TRMT9B: variants seen among roughly 807,000 people sequenced by gnomAD.
TRMT9B encodes the protein tRNA methyltransferase 9B (putative).
In TRMT9B, 16 loss-of-function variants were observed where a neutral mutation model predicts 11.5. That is an observed-to-expected ratio of 1.39 (90% CI 0.94 to 2.11). TRMT9B has a LOEUF of 2.11. TRMT9B is among the 30% of genes most tolerant of loss of function. The pLI, the probability that TRMT9B is intolerant of heterozygous loss-of-function variation, is 0.00. For missense variants in TRMT9B, 941 were observed against 553.8 expected (o/e 1.70, Z -7.02); for synonymous variants, 274 against 192.4 (o/e 1.42, Z -3.51).
At position 12,967,009 on chromosome 8, in the gene TRMT9B, C is replaced by T. The variant is rs1178047364; in HGVS notation, c.-200+21043C>T. Among the ~76,000 whole-genome samples the T allele has an allele frequency of 3.9e-5, 6 of 152,290 alleles. No individual in the cohort carries two copies. In the East Asian group the frequency reaches 1.2e-3, roughly 29 times the overall value. ...CTAGTACTCACCTTCCTTACAGACACCGACGGTGAATACTCCCAAGGTGTG... is the reference window on the plus strand; with the variant it reads ...CTAGTACTCACCTTCCTTACAGACATCGACGGTGAATACTCCCAAGGTGTG... On this transcript the variant is annotated intron_variant, in intron 1 of 4. Coordinates refer to ENST00000524591, the MANE Select transcript of TRMT9B (RefSeq NM_020844.3).
chr8:12,985,354 T>C (rs1806114748), intron 1 of TRMT9B, among the ~76,000 whole-genome samples: 1 of 152,198 alleles, frequency 6.6e-6, no homozygotes, highest in Non-Finnish European at 1.5e-5. Context: ...TCCATTGTAA[T>C]CTCTCTGGTG....
At chr8:13,012,070 C>T in intron 3 of TRMT9B, 1 of 985,356 alleles carries the variant, frequency 1.0e-6, no homozygotes, top group Non-Finnish European at 1.2e-6. Flanking sequence ...CTAGAACTAT[C>T]TTTCTTGCCT....
Position 13,021,517 on chromosome 8 carries a change from A to T in TRMT9B, c.838A>T (p.Ser280Cys). The T allele has an allele frequency of 6.2e-7, 1 of 1,613,826 alleles. No homozygotes were observed. Among genetic ancestry groups the T allele is most frequent in the Non-Finnish European group, 8.5e-7 (1 of 1,179,700 alleles). ...PLKNTEVWASSTVTVQPSRHS... is the reference protein window; with the variant it reads ...PLKNTEVWASCTVTVQPSRHS... ...GAAAAACACAGAAGTTTGGGCCAGT[A>T]GCACTGTAACAGTCCAGCCTTCCAG... Residue 280 changes from serine to cysteine, a missense_variant, in exon 5 of 5, where the codon AGC becomes TGC. By Grantham distance (112) the Ser-to-Cys change is moderately radical. Transcript: ENST00000524591.
intron 1 of TRMT9B, among the ~76,000 whole-genome samples, chr8:12,959,726 G>A (rs1193437049): frequency 6.6e-6 from 1 of 151,816 alleles, no homozygotes; most frequent in Non-Finnish European, 1.5e-5. Flanking sequence ...TCACAAAAAG[G>A]CTACTTTGCC....
chr8:13,000,097 C>T (rs1404839063), intron 2 of TRMT9B, among the ~76,000 whole-genome samples: 1 of 152,082 alleles, frequency 6.6e-6, no homozygotes, highest in Non-Finnish European at 1.5e-5. Flanking sequence ...ATCTCTCCAT[C>T]AAGAGTTCTG....
intron 1 of TRMT9B, chr8:12,962,067 C>G (rs1290509154): frequency 6.6e-6 from 1 of 152,244 alleles, no homozygotes; most frequent in Non-Finnish European, 1.5e-5. Flanking sequence ...ACAAGTTTCT[C>G]CAACCTTCTA....
At position 13,022,195 on chromosome 8, in the gene TRMT9B, C is replaced by G; in HGVS notation, c.*151C>G. On this transcript the variant is annotated 3_prime_UTR_variant, in exon 5 of 5. Coordinates refer to ENST00000524591, the MANE Select transcript of TRMT9B (RefSeq NM_020844.3). ...ATTAATTATTTGGTTGTTTTGTTTT[C>G]ATTTTTGAATAAGCACAGATTCTGG... is the stretch of plus-strand genomic sequence containing the variant. 1.7e-6 allele frequency: 1 copy of G among 592,018 alleles called. No homozygotes were observed. The highest frequency in any genetic ancestry group is 2.9e-6 in the Non-Finnish European group (1 of 344,822). The allele number at this position is 592,018 out of a possible 1,614,324, so 36.7% of individuals were successfully genotyped here. A position where few individuals can be genotyped will look rare whatever the true frequency, so the allele number is the denominator to read the frequency against.
intron 4 of TRMT9B, among the ~76,000 whole-genome samples, chr8:13,018,216 A>G (rs1813140580): frequency 6.6e-6 from 1 of 151,686 alleles, no homozygotes; most frequent in Non-Finnish European, 1.5e-5. Flanking sequence ...AGCCTGGGCA[A>G]CATGGCAAAA....
At chr8:12,954,612 A>T (rs946367270) in intron 1 of TRMT9B, among the ~76,000 whole-genome samples, 1 of 152,234 alleles carries the variant, frequency 6.6e-6, no homozygotes, top group South Asian at 2.1e-4. Flanking sequence ...TAAATTAGGA[A>T]TTCTTCTGAA....
In TRMT9B at chr8:13,021,926, G is replaced by T. The variant is rs375710269; in HGVS notation, c.1247G>T (p.Arg416Leu). 1 of 1,613,690 alleles carries T rather than the reference G, an allele frequency of 6.2e-7. No individual in the cohort carries two copies. Among genetic ancestry groups the T allele is most frequent in the East Asian group, 2.2e-5 (1 of 44,866 alleles). Residue 416 changes from arginine (R) to leucine (L), a missense_variant, in exon 5 of 5, where the codon CGA becomes CTA. Physicochemically the swap from Arg to Leu is moderately radical, Grantham distance 102. Coordinates refer to ENST00000524591, the MANE Select transcript of TRMT9B (RefSeq NM_020844.3). ...TAFMRYYHVFREGELCSLLKE... is the reference protein window; with the variant it reads ...TAFMRYYHVFLEGELCSLLKE... ...TTTATGCGCTACTACCATGTGTTTC[G>T]AGAAGGGGAGCTCTGCAGTCTGCTC...
At chr8:12,970,301 C>G (rs1489225919) in intron 1 of TRMT9B, among the ~76,000 whole-genome samples, 3 of 152,196 alleles carry the variant, frequency 2.0e-5, no homozygotes, top group Non-Finnish European at 4.4e-5. Flanking sequence ...TTATGTAAGC[C>G]TATTTCTCCT....
chr8:12,968,677 C>G (rs1006268878), intron 1 of TRMT9B, among the ~76,000 whole-genome samples: 1 of 152,182 alleles, frequency 6.6e-6, no homozygotes, highest in Non-Finnish European at 1.5e-5. Flanking sequence ...GAGGGACAGC[C>G]TGAGCAGCTG....
chr8:12,972,575 C>T (rs1803800739), intron 1 of TRMT9B, among the ~76,000 whole-genome samples: 1 of 152,140 alleles, frequency 6.6e-6, no homozygotes, highest in African/African-American at 2.4e-5. Flanking sequence ...CCTGTCCTTC[C>T]AGGCTCCCTA....
chr8:12,955,027 G>T (rs1379425212), intron 1 of TRMT9B, among the ~76,000 whole-genome samples: 2 of 152,172 alleles, frequency 1.3e-5, no homozygotes, highest in Non-Finnish European at 2.9e-5. Flanking sequence ...ATAAAGAGGG[G>T]TTTATAATAA....
chr8:12,949,722 A>T (rs1800449266), intron 1 of TRMT9B, among the ~76,000 whole-genome samples: 1 of 152,188 alleles, frequency 6.6e-6, no homozygotes, highest in Non-Finnish European at 1.5e-5. Context: ...TTATTATATA[A>T]GGGGGTTTCA....
At chr8:13,013,749 G>A (rs1448309712) in intron 4 of TRMT9B, among the ~76,000 whole-genome samples, 1 of 152,036 alleles carries the variant, frequency 6.6e-6, no homozygotes, top group Admixed American at 6.6e-5. Flanking sequence ...TCAGGAGATC[G>A]AGACCAGCCT....
intron 3 of TRMT9B, among the ~76,000 whole-genome samples, chr8:13,009,128 T>G (rs1275906467): frequency 1.3e-5 from 2 of 152,184 alleles, no homozygotes; most frequent in African/African-American, 2.4e-5. Flanking sequence ...GAAGATATTA[T>G]GCTAGGTGAA....
intron 2 of TRMT9B, among the ~76,000 whole-genome samples, chr8:12,995,456 G>C (rs1004146438): frequency 6.6e-6 from 1 of 151,868 alleles, no homozygotes; most frequent in Admixed American, 6.6e-5. Context: ...TTAGCTCTTT[G>C]TCTGCTTTCC....
chr8:12,978,331 TC>T (rs1355198040), intron 1 of TRMT9B, among the ~76,000 whole-genome samples: 1 of 152,180 alleles, frequency 6.6e-6, no homozygotes, highest in Admixed American at 6.5e-5. Context: ...AGCCTTTGTT[TC>T]CTGGCAGTCA....
Sources: allele counts gnomAD v4.1 joint callset (sites outside exome capture counted in the v4.1 genomes callset), GRCh38; gene constraint gnomAD v4.1.1; transcripts MANE v1.5; gene names NCBI Gene and HGNC (gene_info 2026-07-23, HGNC 2026-07-21).